PCDHA1: variants seen among roughly 807,000 people sequenced by gnomAD.
PCDHA1 encodes protocadherin alpha-1.
PCDHA1 carries 42 observed loss-of-function variants against 61.3 expected under a neutral mutation model. The observed-to-expected ratio is 0.69, with a 90% CI of 0.54 to 0.89. The LOEUF (loss-of-function observed/expected upper bound fraction) is 0.89, where lower values mean the gene tolerates loss of function less well. Among genes scored for constraint, PCDHA1 ranks in the 40% least tolerant of loss-of-function variants. The probability of loss-of-function intolerance (pLI) is 0.00; values close to 1 mark genes in which losing one functional copy is unlikely to be tolerated. For synonymous variants in PCDHA1, 610 were observed against 553.8 expected, an observed-to-expected ratio of 1.10 and a Z score of -1.43; for missense variants, 1,256 against 1,235.3, an observed-to-expected ratio of 1.02 and a Z score of -0.25.
chr5:140,899,981 G>T (rs929559514), intron 1 of PCDHA1, among the ~76,000 whole-genome samples: 3 of 151,734 alleles, frequency 2.0e-5, no homozygotes, highest in African/African-American at 7.3e-5. Flanking sequence ...CTACTTTTTT[G>T]ATTTTTTTTG....
intron 1 of PCDHA1, chr5:140,813,289 T>A (rs1363505191): frequency 6.6e-6 from 1 of 152,220 alleles, no homozygotes; most frequent in Non-Finnish European, 1.5e-5. Flanking sequence ...ATTGTATCAT[T>A]CTGAGATTTC....
At chr5:140,795,531 C>A in intron 1 of PCDHA1, 2 of 1,614,044 alleles carry the variant, frequency 1.2e-6, no homozygotes, top group Non-Finnish European at 1.7e-6. Context: ...ATGAACTAAG[C>A]GAATCTTTGT....
At chr5:141,005,442 G>A (rs529691807) in intron 3 of PCDHA1, among the ~76,000 whole-genome samples, 39 of 152,092 alleles carry the variant, frequency 2.6e-4, no homozygotes, top group Middle Eastern at 3.4e-3. Context: ...AGAGGCTCAC[G>A]CCTGTAATCC....
At chr5:140,788,984 G>A (rs918695850) in intron 1 of PCDHA1, 18 of 428,556 alleles carry the variant, frequency 4.2e-5, no homozygotes, top group Non-Finnish European at 6.7e-5. Context: ...TCTCAATGTA[G>A]TAAAATAACA....
intron 1 of PCDHA1, chr5:140,857,914 C>T: frequency 6.3e-7 from 1 of 1,597,754 alleles, no homozygotes; most frequent in Non-Finnish European, 8.6e-7. Flanking sequence ...TCCCGTTTCG[C>T]GTGGGGCTGT....
chr5:140,959,116 G>A (rs2095468018), intron 1 of PCDHA1, among the ~76,000 whole-genome samples: 1 of 152,002 alleles, frequency 6.6e-6, no homozygotes, highest in South Asian at 2.1e-4. Context: ...TCCGAAGGTG[G>A]GCGAGGTGAG....
At position 140,967,262 on chromosome 5, in the gene PCDHA1, C is replaced by T; in HGVS notation, c.2395-11687C>T. ...AAGCGAATCGGTGGCGCCTGGAGCG[C>T]GCTTTCACATAGAGAGTGCGCAGGA... On this transcript the variant is annotated intron_variant, in intron 1 of 3. Transcript: ENST00000504120. The T allele has an allele frequency of 1.9e-6, 3 of 1,613,522 alleles. No homozygotes were observed. In the South Asian group the frequency reaches 3.3e-5, roughly 18 times the overall value.
In PCDHA1 at chr5:140,852,924, G is replaced by T. The variant is rs1007993116; in HGVS notation, c.2394+64240G>T. On this transcript the variant is annotated intron_variant, in intron 1 of 3. Transcript: ENST00000504120. The stretch of plus-strand genomic sequence containing the variant: ...GTCAGAGTCTCGCTCTGTTGCCCAG[G>T]CTGGAGTGCAGTGGTGCCATCTTGG... 2.1e-5 allele frequency: 15 copies of T among 707,860 alleles called. 2 individuals are homozygous for T. In the African/African-American group the frequency reaches 2.9e-4, roughly 14 times the overall value. The allele number at this position is 707,860 out of a possible 1,614,324, so 43.8% of individuals were successfully genotyped here.
chr5:140,894,478 A>C (rs2064495460), intron 1 of PCDHA1, among the ~76,000 whole-genome samples: 2 of 151,508 alleles, frequency 1.3e-5, no homozygotes, highest in South Asian at 4.2e-4. Context: ...TCTTGTTTTC[A>C]TCTTATAGTT....
intron 3 of PCDHA1, among the ~76,000 whole-genome samples, chr5:140,991,357 T>G (rs1409351374): frequency 2.6e-5 from 4 of 152,258 alleles, no homozygotes; most frequent in African/African-American, 9.6e-5. Flanking sequence ...AAAGACTATT[T>G]ACTGTCTGAG....
At position 141,010,430 on chromosome 5, in the gene PCDHA1, A is replaced by T; in HGVS notation, c.*493A>T. On this transcript the variant is annotated 3_prime_UTR_variant, in exon 4 of 4. Transcript: ENST00000504120. ...CTAATTGGTACAAGGAAGGCAAGAA[A>T]ACAAAGACAAATAAACAGCGGAAGT... 9.4e-7 allele frequency: 1 copy of T among 1,058,474 alleles called. No homozygotes were observed. Among genetic ancestry groups the T allele is most frequent in the Non-Finnish European group, 1.3e-6 (1 of 756,992 alleles). 65.6% of individuals were successfully genotyped at this position (1,058,474 alleles called of 1,614,324 possible). A position where few individuals can be genotyped will look rare whatever the true frequency, so the allele number is the denominator to read the frequency against.
chr5:140,969,049 C>A, intron 1 of PCDHA1: 1 of 1,614,142 alleles, frequency 6.2e-7, no homozygotes, highest in Non-Finnish European at 8.5e-7. Context: ...AACAAGCCAA[C>A]AACAATATTG....
At position 140,835,744 on chromosome 5, in the gene PCDHA1, C is replaced by T. The variant is rs2150243838; in HGVS notation, c.2394+47060C>T. On this transcript the variant is annotated intron_variant, in intron 1 of 3. Coordinates refer to ENST00000504120, the MANE Select transcript of PCDHA1 (RefSeq NM_018900.4). ...GCCGACGTGAACGACAACGCCCCGG[C>T]GTTCGCGCAGCCCGAGTATACGGTG... is the stretch of plus-strand genomic sequence containing the variant. The T allele has an allele frequency of 5.6e-6, 9 of 1,613,652 alleles. No homozygotes were observed. The Admixed American group carries it at 1.3e-4, about 24-fold the overall frequency.
intron 1 of PCDHA1, chr5:140,870,277 G>A: frequency 6.2e-7 from 1 of 1,614,168 alleles, no homozygotes; most frequent in Non-Finnish European, 8.5e-7. Context: ...GACGCCCCAC[G>A]TTCCCTTCAA....
chr5:140,899,384 A>G (rs2067296665), intron 1 of PCDHA1, among the ~76,000 whole-genome samples: 2 of 152,124 alleles, frequency 1.3e-5, no homozygotes, highest in Admixed American at 1.3e-4. Context: ...TAATTTATTG[A>G]GAGTTTTTAG....
At chr5:140,822,234 A>T (rs2150114791) in intron 1 of PCDHA1, 1 of 1,614,268 alleles carries the variant, frequency 6.2e-7, no homozygotes, top group East Asian at 2.2e-5. Context: ...GGTTTCCGCT[A>T]GAGGGCGCGT....
intron 1 of PCDHA1, chr5:140,849,333 T>G: frequency 2.9e-6 from 4 of 1,383,164 alleles, no homozygotes; most frequent in Non-Finnish European, 4.0e-6. Context: ...TATTATTTAC[T>G]CCTTCTCCAG....
chr5:140,926,181 C>T (rs1298109352), intron 1 of PCDHA1, among the ~76,000 whole-genome samples: 7 of 151,718 alleles, frequency 4.6e-5, no homozygotes, highest in Admixed American at 2.6e-4. Context: ...GCGGAAAGCC[C>T]CCCGCAGCAC....
chr5:140,848,547 C>G, intron 1 of PCDHA1: 1 of 1,595,512 alleles, frequency 6.3e-7, no homozygotes, highest in Non-Finnish European at 8.6e-7. Flanking sequence ...ACTGCTCTCG[C>G]TTCTGATCCT....
Sources: allele counts gnomAD v4.1 joint callset (sites outside exome capture counted in the v4.1 genomes callset), GRCh38; gene constraint gnomAD v4.1.1; transcripts MANE v1.5; gene names NCBI Gene and HGNC (gene_info 2026-07-23, HGNC 2026-07-21).